Variants in NEBL observed in about 807,000 individuals in gnomAD.
NEBL encodes LIM and SH3 protein 2.
In NEBL, 122 loss-of-function variants were observed where a neutral mutation model predicts 140.2. The ratio of observed to expected loss-of-function variants is 0.87; its 90% CI spans 0.75 to 1.01. The LOEUF is 1.01. Ranked by LOEUF, NEBL falls within the 50% of genes least tolerant of loss-of-function variation. NEBL has a pLI of 0.00. For synonymous variants in NEBL, 436 were observed against 398.9 expected (o/e 1.09, Z -1.11); for missense variants, 1,365 against 1,231.3 (o/e 1.11, Z -1.62).
At chr10:21,227,715 TTCTTCTTCTTCTTCTTCTTC>T (rs1842180757) in intron 3 of NEBL, among the ~76,000 whole-genome samples, 217 of 80,328 alleles carry the variant, frequency 2.7e-3, no homozygotes, top group African/African-American at 0.011. Context: ...TTCTTCTTTC[TTCTTCTTCTTCTTCTTCTTC>T]TTCTTCTTCT....
At chr10:20,976,017 C>G (rs1836780741) in intron 3 of NEBL, among the ~76,000 whole-genome samples, 1 of 152,048 alleles carries the variant, frequency 6.6e-6, no homozygotes, top group Admixed American at 6.6e-5. Flanking sequence ...TGTGAAAAAT[C>G]TATGACAAAA....
intron 3 of NEBL, among the ~76,000 whole-genome samples, chr10:21,226,848 C>T (rs1236285189): frequency 3.9e-5 from 6 of 152,174 alleles, no homozygotes; most frequent in Non-Finnish European, 8.8e-5. Flanking sequence ...TTTCTCTCAC[C>T]TGACTTTTAG....
chr10:21,048,131 G>A (rs1834599717), intron 2 of NEBL, among the ~76,000 whole-genome samples: 1 of 152,150 alleles, frequency 6.6e-6, no homozygotes, highest in Non-Finnish European at 1.5e-5. Context: ...ATCCTGCACT[G>A]AACTCTCCCA....
intron 2 of NEBL, among the ~76,000 whole-genome samples, chr10:21,153,768 C>T (rs1424508049): frequency 2.0e-5 from 3 of 152,142 alleles, no homozygotes; most frequent in African/African-American, 4.8e-5. Flanking sequence ...CCCTCCTCAG[C>T]CTCCCAAAGT....
intron 3 of NEBL, among the ~76,000 whole-genome samples, chr10:21,006,387 T>C (rs1020139208): frequency 4.6e-5 from 7 of 152,100 alleles, no homozygotes; most frequent in Non-Finnish European, 8.8e-5. Context: ...GCAGTAAGAG[T>C]TCATGTTTCC....
intron 1 of NEBL, among the ~76,000 whole-genome samples, chr10:21,288,851 A>ATATATATATATATATATAT (rs1337610393): frequency 4.4e-4 from 14 of 32,146 alleles, no homozygotes; most frequent in East Asian, 2.3e-3. Context: ...TATATATATA[A>ATATATATATATATATATAT]AAATTTTTTT....
chr10:20,979,274 C>T (rs1396428866), intron 3 of NEBL, among the ~76,000 whole-genome samples: 1 of 151,066 alleles, frequency 6.6e-6, no homozygotes, highest in Non-Finnish European at 1.5e-5. Flanking sequence ...AATGATAATA[C>T]ACATATAAGA....
intron 2 of NEBL, among the ~76,000 whole-genome samples, chr10:21,120,828 G>A (rs10764307): frequency 0.11 from 16,218 of 151,952 alleles, 1,746 homozygotes; most frequent in East Asian, 0.27. Context: ...ACAACTCTGC[G>A]TCGGCTGCTA....
intron 1 of NEBL, among the ~76,000 whole-genome samples, chr10:21,258,230 A>G (rs529625137): frequency 2.6e-5 from 4 of 151,776 alleles, no homozygotes; most frequent in Admixed American, 1.3e-4. Flanking sequence ...CACAACTGCA[A>G]TGAGCTATGA....
chr10:21,057,013 T>A (rs1835052587), intron 2 of NEBL, among the ~76,000 whole-genome samples: 1 of 151,996 alleles, frequency 6.6e-6, no homozygotes, highest in Non-Finnish European at 1.5e-5. Context: ...AAATAAAGTA[T>A]TATTTAAAAA....
At chr10:21,151,916 G>A (rs1840154763) in intron 2 of NEBL, among the ~76,000 whole-genome samples, 1 of 152,114 alleles carries the variant, frequency 6.6e-6, no homozygotes, top group South Asian at 2.1e-4. Flanking sequence ...TTTGGTTTTG[G>A]GTTTTGTCTG....
intron 2 of NEBL, among the ~76,000 whole-genome samples, chr10:20,893,421 A>T (rs1361416399): frequency 1.3e-5 from 2 of 152,222 alleles, no homozygotes; most frequent in African/African-American, 4.8e-5. Context: ...GCCTCAGAAG[A>T]CCAGCTGTTC....
chr10:21,020,835 G>C (rs1027002961), intron 2 of NEBL, among the ~76,000 whole-genome samples: 2 of 151,998 alleles, frequency 1.3e-5, no homozygotes, highest in African/African-American at 2.4e-5. Context: ...CCCACTCAAG[G>C]TCCTCACCTG....
intron 12 of NEBL, among the ~76,000 whole-genome samples, chr10:20,842,724 T>C (rs1480608611): frequency 1.3e-5 from 2 of 152,076 alleles, no homozygotes; most frequent in Admixed American, 1.3e-4. Flanking sequence ...ATATTTACTT[T>C]TTCGTGGCGA....
intron 2 of NEBL, among the ~76,000 whole-genome samples, chr10:21,067,420 C>T (rs981637726): frequency 5.1e-4 from 78 of 151,922 alleles, no homozygotes; most frequent in African/African-American, 1.7e-3. Flanking sequence ...ACATGTCCAA[C>T]GATTGTCATG....
chr10:20,809,855 A>G lies in NEBL; in HGVS notation c.2562T>C (p.Leu854=). The G allele has an allele frequency of 6.2e-7, 1 of 1,613,416 alleles. No homozygotes were observed. The highest frequency in any genetic ancestry group is 8.5e-7 in the Non-Finnish European group (1 of 1,179,754). Residue 854 remains leucine, a synonymous_variant, in exon 25 of 28, where the codon CTT becomes CTC. Coordinates refer to ENST00000377122, the MANE Select transcript of NEBL (RefSeq NM_006393.3). ...ACTGAATATTGTCTTCCAGGGGATCAAGGTCGAAGATGGAGCCAGGATCTG... is the reference window on the plus strand; with the variant it reads ...ACTGAATATTGTCTTCCAGGGGATCGAGGTCGAAGATGGAGCCAGGATCTG... ...WRTDPGSIFD[L]DPLEDNIQSR...
chr10:21,250,368 A>T (rs1461984944), intron 2 of NEBL, among the ~76,000 whole-genome samples: 2 of 152,194 alleles, frequency 1.3e-5, no homozygotes, highest in African/African-American at 4.8e-5. Context: ...CTGCCCTGGA[A>T]CATCAGACTC....
rs148065204 is a variant in NEBL, at chr10:21,015,844, C to T, written c.249+4273G>A. ...TTCTTTTTTAAGGGGTCTTTCATCT[C>T]GCCTGGATGTTTTAAGTTTAGGGAT... is the stretch of plus-strand genomic sequence containing the variant. On this transcript the variant is annotated intron_variant, in intron 3 of 6. Coordinates refer to the NEBL transcript ENST00000417816. 7.8e-3 allele frequency among the ~76,000 whole-genome samples: 1,192 copies of T among 152,234 alleles called. 25 individuals carry two copies. The highest frequency in any genetic ancestry group is 0.027 in the African/African-American group (1,136 of 41,548).
intron 1 of NEBL, among the ~76,000 whole-genome samples, chr10:21,278,945 GA>G (rs1842957684): frequency 6.6e-6 from 1 of 152,152 alleles, no homozygotes; most frequent in South Asian, 2.1e-4. Context: ...GCACCTCCCT[GA>G]GGCCCTGCAC....
Sources: gnomAD v4.1 joint callset for allele counts (sites outside exome capture counted in the v4.1 genomes callset) on GRCh38, gnomAD v4.1.1 for gene constraint, MANE v1.5 for transcripts, NCBI Gene and HGNC (gene_info 2026-07-23, HGNC 2026-07-21) for gene names.